The following UNC5C variants were observed in gnomAD, a reference collection of about 807,000 sequenced individuals.
UNC5C encodes the protein netrin receptor UNC5C.
A neutral mutation model predicts 99.8 loss-of-function variants in UNC5C; 47 were observed. That is an observed-to-expected ratio of 0.47 (90% CI 0.37 to 0.60). The LOEUF (loss-of-function observed/expected upper bound fraction) is 0.60, where lower values mean the gene tolerates loss of function less well. Among genes scored for constraint, UNC5C ranks in the 20% least tolerant of loss-of-function variants. UNC5C has a pLI of 0.00. For synonymous variants in UNC5C, 487 were observed against 452.2 expected (o/e 1.08, Z -0.98); for missense variants, 1,062 against 1,165.9 (o/e 0.91, Z 1.30).
intron 7 of UNC5C, among the ~76,000 whole-genome samples, chr4:95,230,276 C>A (rs1738863704): frequency 6.6e-6 from 1 of 152,066 alleles, no homozygotes; most frequent in South Asian, 2.1e-4. Flanking sequence ...ATTGTTTGCC[C>A]ACTTTTTGAT....
chr4:95,223,116 T>C (rs540881192), intron 7 of UNC5C, among the ~76,000 whole-genome samples: 2 of 152,230 alleles, frequency 1.3e-5, no homozygotes, highest in South Asian at 4.1e-4. Context: ...TGGATAATGA[T>C]AATAATGTGA....
intron 3 of UNC5C, among the ~76,000 whole-genome samples, chr4:95,283,446 G>A (rs1176716495): frequency 1.3e-5 from 2 of 152,336 alleles, no homozygotes; most frequent in South Asian, 2.1e-4. Context: ...CTGGCTTTCA[G>A]ATTGTGTAAT....
chr4:95,390,847 C>G (rs534531284), intron 1 of UNC5C, among the ~76,000 whole-genome samples: 2 of 152,142 alleles, frequency 1.3e-5, no homozygotes, highest in African/African-American at 4.8e-5. Context: ...CCATCTCAGC[C>G]TCCAGAGTAG....
intron 14 of UNC5C, among the ~76,000 whole-genome samples, chr4:95,182,469 G>A (rs1209326027): frequency 6.6e-6 from 1 of 152,110 alleles, no homozygotes; most frequent in African/African-American, 2.4e-5. Context: ...CCAGCAGCAG[G>A]TGATTAGGGG....
Position 95,219,044 on chromosome 4 carries a change from T to G in UNC5C, c.1570A>C (p.Arg524=). The G allele has an allele frequency of 4.3e-6, 7 of 1,614,214 alleles. No homozygotes were observed. The highest frequency in any genetic ancestry group is 5.9e-6 in the Non-Finnish European group (7 of 1,180,030). ...GCGGTACAGGATGGATCAGTCTGCC[T>G]TGCTAGACTCTGGTTCTTCAGGCTG... ...ALSLKNQSLA[R]QTDPSCTAFG... The change falls in exon 9 of 16, where the codon AGG becomes CGG. Residue 524 remains arginine (R), a synonymous_variant. Coordinates refer to ENST00000453304, the MANE Select transcript of UNC5C (RefSeq NM_003728.4).
intron 14 of UNC5C, among the ~76,000 whole-genome samples, chr4:95,172,878 A>G (rs1326581466): frequency 6.6e-6 from 1 of 152,064 alleles, no homozygotes; most frequent in Non-Finnish European, 1.5e-5. Context: ...ATGAGCATGG[A>G]ATGTTGTTCC....
chr4:95,358,642 C>T (rs1434481002), intron 1 of UNC5C, among the ~76,000 whole-genome samples: 2 of 152,162 alleles, frequency 1.3e-5, no homozygotes, highest in African/African-American at 4.8e-5. Context: ...TCTGGCAATC[C>T]CTTCAGGCTT....
rs1739666973 is a variant in UNC5C at position 95,250,636 on chromosome 4, TC to T, written c.625del (p.Asp209IlefsTer18). On this transcript the variant is annotated frameshift_variant, in exon 5 of 16. Coordinates refer to ENST00000453304, the MANE Select transcript of UNC5C (RefSeq NM_003728.4). LOFTEE classifies it high-confidence loss of function. ...ATAAAAATTCCGATCTTCAACGGGA[TC>T]AATTATGTCTTCATTTTTCAACCAT... ...VEWLKNEDII[D>X]PVEDRNFYIT... 6.2e-7 allele frequency: 1 copy of T among 1,613,858 alleles called. No homozygotes were observed. Among genetic ancestry groups the T allele is most frequent in the African/African-American group, 1.3e-5 (1 of 74,890 alleles).
intron 14 of UNC5C, among the ~76,000 whole-genome samples, chr4:95,173,846 A>T (rs1293742275): frequency 6.6e-6 from 1 of 152,116 alleles, no homozygotes; most frequent in Non-Finnish European, 1.5e-5. Context: ...CTCTGGTAGA[A>T]TTCGGCTGTG....
chr4:95,483,497 A>G (rs1217189395), intron 1 of UNC5C, among the ~76,000 whole-genome samples: 2 of 151,856 alleles, frequency 1.3e-5, no homozygotes, highest in African/African-American at 4.8e-5. Context: ...TTGTATATAA[A>G]ATGGCATTCT....
intron 1 of UNC5C, among the ~76,000 whole-genome samples, chr4:95,537,583 A>C (rs1237543486): frequency 6.6e-6 from 1 of 152,160 alleles, no homozygotes; most frequent in Non-Finnish European, 1.5e-5. Context: ...TTGCGGTAAA[A>C]CTTCTTGCCT....
intron 1 of UNC5C, among the ~76,000 whole-genome samples, chr4:95,505,859 T>C (rs1197542852): frequency 6.6e-6 from 1 of 151,988 alleles, no homozygotes; most frequent in Non-Finnish European, 1.5e-5. Flanking sequence ...AGGAGTAAGG[T>C]CACAACTCTG....
intron 2 of UNC5C, among the ~76,000 whole-genome samples, chr4:95,316,726 T>C (rs187102916): frequency 4.9e-4 from 74 of 152,316 alleles, no homozygotes; most frequent in South Asian, 1.2e-3. Context: ...TGCATACTCC[T>C]TACATCTATA....
At chr4:95,546,401 T>C (rs1156828299) in intron 1 of UNC5C, among the ~76,000 whole-genome samples, 4 of 152,176 alleles carry the variant, frequency 2.6e-5, no homozygotes, top group Non-Finnish European at 5.9e-5. Flanking sequence ...GTGATGAAGG[T>C]AGTAGCTGAT....
At chr4:95,431,843 G>C (rs1042685057) in intron 1 of UNC5C, among the ~76,000 whole-genome samples, 23 of 152,038 alleles carry the variant, frequency 1.5e-4, no homozygotes, top group African/African-American at 5.6e-4. Flanking sequence ...CTGACCTATA[G>C]CTTTTCAGTG....
At chr4:95,339,449 C>T (rs1034386831) in intron 1 of UNC5C, among the ~76,000 whole-genome samples, 1 of 151,808 alleles carries the variant, frequency 6.6e-6, no homozygotes, top group Non-Finnish European at 1.5e-5. Flanking sequence ...ATTAATATTA[C>T]CATACTACAA....
intron 1 of UNC5C, among the ~76,000 whole-genome samples, chr4:95,351,421 C>A (rs1039474095): frequency 6.6e-6 from 1 of 151,460 alleles, no homozygotes; most frequent in Non-Finnish European, 1.5e-5. Flanking sequence ...TAATCAAAAT[C>A]ATGAAACTTT....
At chr4:95,484,827 C>A (rs916577929) in intron 1 of UNC5C, among the ~76,000 whole-genome samples, 7 of 151,670 alleles carry the variant, frequency 4.6e-5, no homozygotes, top group African/African-American at 1.7e-4. Flanking sequence ...TGGCTTGGAC[C>A]AAGGTTAAAG....
chr4:95,441,852 G>A (rs1027696720), intron 1 of UNC5C, among the ~76,000 whole-genome samples: 1 of 152,146 alleles, frequency 6.6e-6, no homozygotes, highest in Admixed American at 6.5e-5. Context: ...TGTTTCAGGA[G>A]GCTGGACTCT....
Sources: allele counts gnomAD v4.1 joint callset (sites outside exome capture counted in the v4.1 genomes callset), GRCh38; gene constraint gnomAD v4.1.1; transcripts MANE v1.5; gene names NCBI Gene and HGNC (gene_info 2026-07-23, HGNC 2026-07-21).